The following KCNMA1 variants were observed in gnomAD, a reference collection of about 807,000 sequenced individuals.
KCNMA1 encodes Calcium-activated potassium channel subunit alpha-1.
In KCNMA1, 29 loss-of-function variants were observed where a neutral mutation model predicts 140.0. The ratio of observed to expected loss-of-function variants is 0.21; its 90% CI spans 0.15 to 0.28. The LOEUF is 0.28. Ranked by LOEUF, KCNMA1 falls within the 10% of genes least tolerant of loss-of-function variation. The pLI, the probability that KCNMA1 is intolerant of heterozygous loss-of-function variation, is 1.00. For synonymous variants in KCNMA1, 612 were observed against 611.9 expected, an observed-to-expected ratio of 1.00 and a Z score of 0.00; for missense variants, 880 against 1,602.2, an observed-to-expected ratio of 0.55 and a Z score of 7.70.
intron 2 of KCNMA1, among the ~76,000 whole-genome samples, chr10:77,394,748 C>T (rs1309211033): frequency 6.6e-6 from 1 of 152,120 alleles, no homozygotes; most frequent in African/African-American, 2.4e-5. Flanking sequence ...TATCTATTAC[C>T]TATGCCATAG....
intron 2 of KCNMA1, among the ~76,000 whole-genome samples, chr10:77,367,101 G>T (rs1454736221): frequency 6.6e-6 from 1 of 152,130 alleles, no homozygotes; most frequent in Non-Finnish European, 1.5e-5. Context: ...CCCTCATTCC[G>T]CACGGGTGTG....
At chr10:77,292,380 C>T (rs902308727) in intron 2 of KCNMA1, among the ~76,000 whole-genome samples, 2 of 152,208 alleles carry the variant, frequency 1.3e-5, no homozygotes, top group Non-Finnish European at 2.9e-5. Context: ...GGAGATAGAG[C>T]AAGGCACCAG....
chr10:77,564,346 A>G (rs557308296), intron 1 of KCNMA1, among the ~76,000 whole-genome samples: 1 of 152,224 alleles, frequency 6.6e-6, no homozygotes, highest in South Asian at 2.1e-4. Flanking sequence ...GCCGAGGCGG[A>G]CAGATCACTT....
chr10:77,283,244 A>G (rs1239072782), intron 2 of KCNMA1, among the ~76,000 whole-genome samples: 1 of 152,230 alleles, frequency 6.6e-6, no homozygotes, highest in Non-Finnish European at 1.5e-5. Context: ...TTCTTTCTGC[A>G]CCAATAATTT....
At chr10:77,096,200 G>A (rs1320903531) in intron 9 of KCNMA1, among the ~76,000 whole-genome samples, 2 of 152,138 alleles carry the variant, frequency 1.3e-5, no homozygotes, top group Non-Finnish European at 2.9e-5. Flanking sequence ...AAAGAAAGCA[G>A]CTGGTGCCAG....
At chr10:76,893,227 A>T (rs990396110) in intron 25 of KCNMA1, among the ~76,000 whole-genome samples, 1 of 152,176 alleles carries the variant, frequency 6.6e-6, no homozygotes, top group Non-Finnish European at 1.5e-5. Flanking sequence ...TGACCTACCC[A>T]TGAAGCACTT....
intron 19 of KCNMA1, among the ~76,000 whole-genome samples, chr10:76,978,750 C>T (rs2078476656): frequency 6.6e-6 from 1 of 152,074 alleles, no homozygotes; most frequent in South Asian, 2.1e-4. Context: ...TGTAAGATAC[C>T]AAACACTGCT....
intron 1 of KCNMA1, among the ~76,000 whole-genome samples, chr10:77,469,110 T>C (rs2098097267): frequency 6.6e-6 from 1 of 152,196 alleles, no homozygotes; most frequent in South Asian, 2.1e-4. Context: ...GCTCTAGCCA[T>C]GTACTTTGCT....
At chr10:76,987,457 C>T (rs1370967196) in intron 19 of KCNMA1, among the ~76,000 whole-genome samples, 2 of 152,186 alleles carry the variant, frequency 1.3e-5, no homozygotes, top group East Asian at 3.8e-4. Context: ...ATATTTTGAG[C>T]TTTCTGGGCC....
At chr10:77,107,665 A>G (rs1439641179) in intron 9 of KCNMA1, among the ~76,000 whole-genome samples, 2 of 152,226 alleles carry the variant, frequency 1.3e-5, no homozygotes, top group South Asian at 2.1e-4. Flanking sequence ...AGAAGAAAGC[A>G]TTCACATTTG....
intron 1 of KCNMA1, among the ~76,000 whole-genome samples, chr10:77,432,861 G>T (rs186533007): frequency 3.9e-5 from 6 of 152,248 alleles, no homozygotes; most frequent in African/African-American, 1.4e-4. Context: ...AGGGGGAAGG[G>T]GCAGGGAGGG....
intron 24 of KCNMA1, chr10:76,914,188 C>T (rs2051655932): frequency 3.0e-6 from 4 of 1,330,776 alleles, no homozygotes; most frequent in Non-Finnish European, 4.2e-6. Context: ...GAGGAAAGTA[C>T]AGAAAAAGAA....
At chr10:77,079,039 G>A (rs1157817848) in intron 13 of KCNMA1, among the ~76,000 whole-genome samples, 1 of 152,176 alleles carries the variant, frequency 6.6e-6, no homozygotes, top group Non-Finnish European at 1.5e-5. Flanking sequence ...GGGAGGCCGA[G>A]GCGGGCAGAT....
At chr10:77,503,411 A>C (rs950556609) in intron 1 of KCNMA1, among the ~76,000 whole-genome samples, 3 of 151,966 alleles carry the variant, frequency 2.0e-5, no homozygotes, top group African/African-American at 4.8e-5. Context: ...AGATCACTTC[A>C]CTTCTGACAT....
chr10:77,459,199 C>A (rs553802289), intron 1 of KCNMA1, among the ~76,000 whole-genome samples: 1 of 152,310 alleles, frequency 6.6e-6, no homozygotes, highest in African/African-American at 2.4e-5. Context: ...GCATTCACAG[C>A]CTCTGCCACA....
At chr10:77,485,093 C>T (rs1230138789) in intron 1 of KCNMA1, among the ~76,000 whole-genome samples, 6 of 152,216 alleles carry the variant, frequency 3.9e-5, no homozygotes, top group African/African-American at 1.4e-4. Context: ...AAGTGACCAT[C>T]TTCCAGCCAG....
chr10:77,106,399 T>C (rs1446607937), intron 9 of KCNMA1, among the ~76,000 whole-genome samples: 1 of 151,928 alleles, frequency 6.6e-6, no homozygotes. Context: ...ACTGCCAGGG[T>C]GAAAGATGAC....
chr10:77,141,994 G>T (rs2098182717), intron 5 of KCNMA1, among the ~76,000 whole-genome samples: 1 of 152,198 alleles, frequency 6.6e-6, no homozygotes, highest in Non-Finnish European at 1.5e-5. Flanking sequence ...TCCAGCCTTG[G>T]TGGCATTTAT....
intron 1 of KCNMA1, among the ~76,000 whole-genome samples, chr10:77,411,419 G>A (rs184221818): frequency 2.6e-5 from 4 of 152,126 alleles, no homozygotes; most frequent in East Asian, 3.9e-4. Context: ...TTATACTATC[G>A]ACTACTGTTT....
Sources: gnomAD v4.1 joint callset for allele counts (sites outside exome capture counted in the v4.1 genomes callset) on GRCh38, gnomAD v4.1.1 for gene constraint, MANE v1.5 for transcripts, NCBI Gene and HGNC (gene_info 2026-07-23, HGNC 2026-07-21) for gene names.